KLB: variants seen among roughly 807,000 people sequenced by gnomAD.
KLB encodes the protein beta-klotho.
KLB carries 44 observed loss-of-function variants against 88.4 expected under a neutral mutation model. That is an observed-to-expected ratio of 0.50 (90% CI 0.39 to 0.64). KLB has a LOEUF of 0.64. KLB is among the 30% of genes least tolerant of loss of function. The pLI, the probability that KLB is intolerant of heterozygous loss-of-function variation, is 0.00. For synonymous variants in KLB, 548 were observed against 513.4 expected, an observed-to-expected ratio of 1.07 and a Z score of -0.91; for missense variants, 1,137 against 1,304.8, an observed-to-expected ratio of 0.87 and a Z score of 1.98.
chr4:39,443,213 C>T (rs1743652427), intron 3 of KLB, among the ~76,000 whole-genome samples: 1 of 151,766 alleles, frequency 6.6e-6, no homozygotes, highest in Non-Finnish European at 1.5e-5. Context: ...GTAGTATTAC[C>T]AGATTTCTTG....
Position 39,446,974 on chromosome 4 carries a change from G to A in KLB, c.2248G>A (p.Ala750Thr), listed in dbSNP as rs867461706. Residue 750 changes from alanine (A) to threonine (T), a missense_variant, in exon 4 of 5, where the codon GCC becomes ACC. Transcript: ENST00000257408. This position sits in a 1 kb window ranked among gnomAD's most constrained non-coding sequence, Gnocchi z 6.4. ...LSLHADWAEP[A>T]NPYADSHWRA... is the part of the protein sequence containing the mutation. ...GCTGCACGCGGACTGGGCGGAACCC[G>A]CCAACCCCTATGCTGACTCGCACTG... is the stretch of plus-strand genomic sequence containing the variant. The A allele has an allele frequency of 1.9e-6, 3 of 1,607,774 alleles. No homozygotes were observed. Among genetic ancestry groups the A allele is most frequent in the Non-Finnish European group, 2.5e-6 (3 of 1,179,806 alleles).
At position 39,446,770 on chromosome 4, in the gene KLB, G is replaced by C. The variant is rs1743757068; in HGVS notation, c.2044G>C (p.Gly682Arg). The C allele has an allele frequency of 6.2e-7, 1 of 1,608,674 alleles. No individual in the cohort carries two copies. Among genetic ancestry groups the C allele is most frequent in the Non-Finnish European group, 8.5e-7 (1 of 1,177,596 alleles). ...AYAGLCFQEL[G>R]DLVKLWITIN... ...CGCTGGGCTGTGCTTCCAGGAGCTG[G>C]GGGACCTGGTGAAGCTCTGGATCAC... Residue 682 changes from glycine (G) to arginine (R), a missense_variant, in exon 4 of 5, where the codon GGG becomes CGG. By Grantham distance (125) the Gly-to-Arg change is moderately radical. Transcript: ENST00000257408. The surrounding 1 kb of genome is among the most constrained non-coding windows in gnomAD (Gnocchi z 6.4).
chr4:39,437,903 G>A lies in KLB; in HGVS notation c.1513G>A (p.Glu505Lys). ...SAHYYKQIIR[E>K]NGFSLKESTP... is the part of the protein sequence containing the mutation. Reference sequence around the variant, plus strand: ...ACACTACTACAAACAGATCATACGAGAAAATGGTTTTTCTTTAAAAGAGTC... The same window carrying A: ...ACACTACTACAAACAGATCATACGAAAAAATGGTTTTTCTTTAAAAGAGTC... The change falls in exon 3 of 5, where the codon GAA (glutamate) becomes AAA (lysine). Residue 505 changes from glutamate (E) to lysine (K), a missense_variant. Coordinates refer to ENST00000257408, the MANE Select transcript of KLB (RefSeq NM_175737.4). 1 of 1,614,172 alleles carries A rather than the reference G, an allele frequency of 6.2e-7. No individual in the cohort carries two copies. The highest frequency in any genetic ancestry group is 8.5e-7 in the Non-Finnish European group (1 of 1,180,028).
At chr4:39,414,640 G>A (rs1272784435) in intron 1 of KLB, among the ~76,000 whole-genome samples, 2 of 151,880 alleles carry the variant, frequency 1.3e-5, no homozygotes, top group African/African-American at 2.4e-5. Flanking sequence ...AGAGGCCAAG[G>A]TGGGCACATC....
At position 39,407,128 on chromosome 4, in the gene KLB, T is replaced by C. The variant is rs1388173012; in HGVS notation, c.179T>C (p.Ile60Thr). The C allele has an allele frequency of 1.9e-6, 3 of 1,614,060 alleles. No homozygotes were observed. Among genetic ancestry groups the C allele is most frequent in the Non-Finnish European group, 1.7e-6 (2 of 1,180,024 alleles). ...GGATTCTCTGGAGATGGAAGAGCTA[T>C]ATGGTCTAAAAATCCTAATTTTACT... Reference protein sequence around the residue: ...VTGFSGDGRAIWSKNPNFTPV... With the variant: ...VTGFSGDGRATWSKNPNFTPV... Residue 60 changes from isoleucine (I) to threonine (T), a missense_variant, in exon 1 of 5, where the codon ATA becomes ACA. By Grantham distance (89) the Ile-to-Thr change is moderately conservative. This residue lies in a region of KLB where 111 missense variants were observed against 118.3 expected (regional missense o/e 0.94). Transcript: ENST00000257408.
chr4:39,451,202 A>C lies in KLB; in HGVS notation c.*2516A>C, dbSNP rs1743890153. 1 of 152,226 alleles carries C rather than the reference A, an allele frequency of 6.6e-6. No individual in the cohort carries two copies. Among genetic ancestry groups the C allele is most frequent in the Non-Finnish European group, 1.5e-5 (1 of 68,042 alleles). 9.4% of individuals were successfully genotyped at this position (152,226 alleles called of 1,614,324 possible). ...TAACCACTGGCAAATATGTACAGCA[A>C]ATTAGGTTAAGCATTTAATCTGGCT... On this transcript the variant is annotated 3_prime_UTR_variant, in exon 5 of 5. Transcript: ENST00000257408.
In KLB at chr4:39,407,611, A is replaced by G; in HGVS notation, c.662A>G (p.Tyr221Cys). 6.2e-7 allele frequency: 1 copy of G among 1,614,196 alleles called. No homozygotes were observed. The highest frequency in any genetic ancestry group is 1.1e-5 in the South Asian group (1 of 91,084). ...ACCATAATAGATATCTTCAATGACT[A>G]TGCCACATACTGTTTCCAGATGTTT... Reference protein sequence around the residue: ...NDTIIDIFNDYATYCFQMFGD... With the variant: ...NDTIIDIFNDCATYCFQMFGD... Residue 221 changes from tyrosine (Y) to cysteine (C), a missense_variant, in exon 1 of 5, where the codon TAT (tyrosine) becomes TGT (cysteine). Physicochemically the swap from Tyr to Cys is radical, Grantham distance 194. Coordinates refer to ENST00000257408, the MANE Select transcript of KLB (RefSeq NM_175737.4).
At position 39,450,800 on chromosome 4, in the gene KLB, G is replaced by A. The variant is rs1330863185; in HGVS notation, c.*2114G>A. ...ATTCACCCTGACCCAAGAACTCCAG[G>A]GAAAATTCTTTAATGTCAACTGGGC... On this transcript the variant is annotated 3_prime_UTR_variant, in exon 5 of 5. Transcript: ENST00000257408. 1 of 149,936 alleles carries A rather than the reference G, an allele frequency of 6.7e-6. No homozygotes were observed. The highest frequency in any genetic ancestry group is 1.5e-5 in the Non-Finnish European group (1 of 67,816). The allele number at this position is 149,936 out of a possible 1,614,324, so 9.3% of individuals were successfully genotyped here. A position where few individuals can be genotyped will look rare whatever the true frequency, so the allele number is the denominator to read the frequency against.
At chr4:39,419,555 T>C (rs1267453910) in intron 1 of KLB, among the ~76,000 whole-genome samples, 15 of 152,014 alleles carry the variant, frequency 9.9e-5, no homozygotes, top group Non-Finnish European at 2.2e-4. Context: ...GGGTGGATCA[T>C]CTGAGGTCAG....
Position 39,434,334 on chromosome 4 carries a change from T to G in KLB, c.950T>G (p.Phe317Cys). 1 of 1,614,190 alleles carries G rather than the reference T, an allele frequency of 6.2e-7. No homozygotes were observed. The highest frequency in any genetic ancestry group is 8.5e-7 in the Non-Finnish European group (1 of 1,180,022). The change falls in exon 2 of 5, where the codon TTC becomes TGC. Residue 317 changes from phenylalanine to cysteine, a missense_variant. Physicochemically the swap from Phe to Cys is radical, Grantham distance 205. Transcript: ENST00000257408. The part of the protein sequence containing the change: ...PNRSENTMDI[F>C]KCQQSMVSVL... ...CGGTCGGAAAACACGATGGATATATTCAAATGTCAACAATCCATGGTTTCT... is the reference window on the plus strand; with the variant it reads ...CGGTCGGAAAACACGATGGATATATGCAAATGTCAACAATCCATGGTTTCT...
rs775072551 is a variant in KLB, at chr4:39,447,375, G to A, written c.2649G>A (p.Met883Ile). Residue 883 changes from methionine (M) to isoleucine (I), a missense_variant, in exon 4 of 5, where the codon ATG becomes ATA. This residue lies in a region of KLB where 426 missense variants were observed against 404.6 expected (regional missense o/e 1.05). Coordinates refer to ENST00000257408, the MANE Select transcript of KLB (RefSeq NM_175737.4). ...LRWVRRNYGD[M>I]DIYITASGID... The stretch of plus-strand genomic sequence containing the variant: ...GGGTCCGGAGGAACTACGGCGACAT[G>A]GACATTTACATCACCGCCAGTGGCA... 6.2e-7 allele frequency: 1 copy of A among 1,613,646 alleles called. No individual in the cohort carries two copies. Among genetic ancestry groups the A allele is most frequent in the Non-Finnish European group, 8.5e-7 (1 of 1,179,980 alleles).
intron 1 of KLB, among the ~76,000 whole-genome samples, chr4:39,413,207 T>A (rs535980915): frequency 2.0e-5 from 3 of 152,338 alleles, no homozygotes; most frequent in East Asian, 3.9e-4. Context: ...ATTTGGCCTA[T>A]GCAGCAAAGC....
chr4:39,419,034 T>C (rs1743022963), intron 1 of KLB, among the ~76,000 whole-genome samples: 1 of 151,840 alleles, frequency 6.6e-6, no homozygotes. Flanking sequence ...TTTGAATAAA[T>C]TATGAAAACT....
Position 39,434,742 on chromosome 4 carries a change from T to G in KLB, c.1336+22T>G, listed in dbSNP as rs757328756. 6 of 1,553,576 alleles carry G rather than the reference T, an allele frequency of 3.9e-6. No homozygotes were observed. In the East Asian group the frequency reaches 1.3e-4, roughly 35 times the overall value. ...CAAGGTTGGTTGTACACTTGCTTAA[T>G]TTTTTAAAAATTCTAAAAACTTACA... On this transcript the variant is annotated intron_variant, in intron 2 of 4. Coordinates refer to ENST00000257408, the MANE Select transcript of KLB (RefSeq NM_175737.4).
chr4:39,446,418 G>A lies in KLB; in HGVS notation c.1692G>A (p.Val564=), dbSNP rs1215812609. ...CTGGCAACAGACTGTTGCACCGAGT[G>A]GAAGGGGTGAGGCTGAAAACACGAC... ...NATGNRLLHR[V]EGVRLKTRPA... Residue 564 remains valine, a synonymous_variant, in exon 4 of 5, where the codon GTG becomes GTA. Transcript: ENST00000257408. The surrounding 1 kb of genome is among the most constrained non-coding windows in gnomAD (Gnocchi z 6.4). 1 of 1,614,096 alleles carries A rather than the reference G, an allele frequency of 6.2e-7. No homozygotes were observed. Among genetic ancestry groups the A allele is most frequent in the Non-Finnish European group, 8.5e-7 (1 of 1,180,040 alleles).
In KLB at chr4:39,446,306, G is replaced by C. The variant is rs1034086152; in HGVS notation, c.1606-26G>C. 1.3e-5 allele frequency: 20 copies of C among 1,598,726 alleles called. No homozygotes were observed. The highest frequency in any genetic ancestry group is 1.6e-5 in the Non-Finnish European group (19 of 1,172,558). ...AGCCTCCATCTGCCAGCGCATGCTT[G>C]ACCTAAATGAGCTTGTTTTTCACAG... On this transcript the variant is annotated intron_variant, in intron 3 of 4. Transcript: ENST00000257408. This position sits in a 1 kb window ranked among gnomAD's most constrained non-coding sequence, Gnocchi z 6.4.
intron 1 of KLB, among the ~76,000 whole-genome samples, chr4:39,420,339 T>G (rs189433648): frequency 6.6e-6 from 1 of 152,332 alleles, no homozygotes; most frequent in African/African-American, 2.4e-5. Context: ...CTCCTTACAT[T>G]GTTTTGAACA....
intron 1 of KLB, among the ~76,000 whole-genome samples, chr4:39,426,658 C>T (rs1204279264): frequency 6.7e-6 from 1 of 150,170 alleles, no homozygotes; most frequent in African/African-American, 2.4e-5. Flanking sequence ...TAGCAATGAA[C>T]AGTAAAGGTC....
chr4:39,419,683 G>A (rs980325316), intron 1 of KLB, among the ~76,000 whole-genome samples: 8 of 151,298 alleles, frequency 5.3e-5, no homozygotes, highest in Admixed American at 5.3e-4. Context: ...GGCTGAGGCT[G>A]GAGAATTGTC....
Sources: allele counts gnomAD v4.1 joint callset (sites outside exome capture counted in the v4.1 genomes callset), GRCh38; gene constraint gnomAD v4.1.1; regional missense constraint gnomAD v4.1.1; non-coding constraint Gnocchi (gnomAD v3.1); transcripts MANE v1.5; gene names NCBI Gene and HGNC (gene_info 2026-07-23, HGNC 2026-07-21).